FOXM1: variants seen among roughly 807,000 people sequenced by gnomAD.
FOXM1 encodes the protein forkhead box protein M1.
A neutral mutation model predicts 63.6 loss-of-function variants in FOXM1; 25 were observed. That is an observed-to-expected ratio of 0.39 (90% confidence interval 0.29 to 0.55). The LOEUF (loss-of-function observed/expected upper bound fraction) is 0.55, where lower values mean the gene tolerates loss of function less well. Ranked by LOEUF, FOXM1 falls within the 20% of genes least tolerant of loss-of-function variation. The pLI, the probability that FOXM1 is intolerant of heterozygous loss-of-function variation, is 0.60. For synonymous variants in FOXM1, 387 were observed against 376.9 expected (o/e 1.03, Z -0.31); for missense variants, 879 against 958.7 (o/e 0.92, Z 1.10).
chr12:2,867,623 C>G (rs1490991088), intron 4 of FOXM1, among the ~76,000 whole-genome samples: 1 of 147,210 alleles, frequency 6.8e-6, no homozygotes, highest in Non-Finnish European at 1.5e-5. Context: ...GATCGCGCCA[C>G]TGCACTCCAG....
At chr12:2,861,264 G>A in intron 8 of FOXM1, 1 of 709,720 alleles carries the variant, frequency 1.4e-6, no homozygotes, top group South Asian at 1.6e-5. Context: ...ACAATTCCAA[G>A]TCACCAAACA....
At chr12:2,862,807 A>G (rs12815251) in intron 8 of FOXM1, among the ~76,000 whole-genome samples, 37,459 of 151,362 alleles carry the variant, frequency 0.25, 5,221 homozygotes, top group African/African-American at 0.39. Flanking sequence ...CTCCCAAAAT[A>G]CTAGGATTAT....
chr12:2,860,486 CAGAAA>C (rs1193006210), intron 8 of FOXM1, among the ~76,000 whole-genome samples: 1 of 151,880 alleles, frequency 6.6e-6, no homozygotes, highest in Non-Finnish European at 1.5e-5. Flanking sequence ...GATCCTGTCT[CAGAAA>C]AGAAAAGAAA....
At position 2,868,662 on chromosome 12, in the gene FOXM1, G is replaced by A. The variant is rs1468550241; in HGVS notation, c.747C>T (p.Ile249=). The change falls in exon 4 of 9, where the codon ATC becomes ATT. Residue 249 remains isoleucine, a synonymous_variant. Coordinates refer to ENST00000359843, the MANE Select transcript of FOXM1 (RefSeq NM_021953.4). ...YSYMAMIQFA[I]NSTERKRMTL... Reference sequence around the variant, plus strand: ...TCATGCGCTTCCTCTCAGTGCTGTTGATGGCGAATTGTATCATGGCCATGT... The same window carrying A: ...TCATGCGCTTCCTCTCAGTGCTGTTAATGGCGAATTGTATCATGGCCATGT... 1 of 1,613,992 alleles carries A rather than the reference G, an allele frequency of 6.2e-7. No individual in the cohort carries two copies.
intron 8 of FOXM1, among the ~76,000 whole-genome samples, chr12:2,860,050 T>G (rs968843773): frequency 3.3e-5 from 5 of 151,944 alleles, no homozygotes; most frequent in African/African-American, 1.2e-4. Context: ...AATGAAAACC[T>G]TAAAATCATA....
intron 8 of FOXM1, among the ~76,000 whole-genome samples, chr12:2,860,139 C>T (rs555008553): frequency 1.3e-5 from 2 of 151,906 alleles, no homozygotes; most frequent in Non-Finnish European, 2.9e-5. Context: ...GACTGGAAAC[C>T]CAGAAACTGT....
At chr12:2,866,362 G>A in intron 5 of FOXM1, 31 bp downstream of exon 5, 2 of 1,417,312 alleles carry the variant, frequency 1.4e-6, no homozygotes, top group Non-Finnish European at 1.9e-6. Flanking sequence ...CTCCAACTTA[G>A]GCCCTATTTA....
At chr12:2,863,919 C>CA (rs202226910) in intron 8 of FOXM1, 1,779 of 157,354 alleles carry the variant, frequency 0.011, 37 homozygotes, top group African/African-American at 0.04. Context: ...GTTGGCCAGG[C>CA]TGGTCTCAAA....
At chr12:2,862,181 GAAAAAAA>G (rs962205817) in intron 8 of FOXM1, among the ~76,000 whole-genome samples, 2 of 102,438 alleles carry the variant, frequency 2.0e-5, no homozygotes, top group South Asian at 6.4e-4. Context: ...TCCGTCTCAG[GAAAAAAA>G]AAAAAAAAAA....
intron 6 of FOXM1, 102 bp downstream of exon 6, chr12:2,865,253 G>T: frequency 9.1e-7 from 1 of 1,098,560 alleles, no homozygotes; most frequent in Non-Finnish European, 1.3e-6. Context: ...ATGGCCATAG[G>T]GACCCTTCCC....
At position 2,858,883 on chromosome 12, in the gene FOXM1, C is replaced by T. The variant is rs781380281; in HGVS notation, c.2047G>A (p.Asp683Asn). The change falls in exon 9 of 9, where the codon GAC becomes AAC. Residue 683 changes from aspartate (D) to asparagine (N), a missense_variant. Asp to Asn is a conservative substitution (Grantham distance 23). This residue lies in a region of FOXM1 where 486 missense variants were observed against 453.5 expected (regional missense o/e 1.07). Transcript: ENST00000359843. ...PQRLLSSEPLDLISVPFGNSS... is the reference protein window; with the variant it reads ...PQRLLSSEPLNLISVPFGNSS... ...TTGCCAAAGGGGACGGAGATGAGGT[C>T]TAAGGGTTCTGAACTGAGGAGCCTT... The T allele has an allele frequency of 3.7e-6, 6 of 1,614,036 alleles. No individual in the cohort carries two copies. The East Asian group carries it at 1.3e-4, about 36-fold the overall frequency.
Position 2,864,867 on chromosome 12 carries a change from CAGAG to C in FOXM1, c.1021-119_1021-116del, listed in dbSNP as rs912834948. 2.5e-6 allele frequency: 3 copies of C among 1,217,008 alleles called. No homozygotes were observed. Among genetic ancestry groups the C allele is most frequent in the Admixed American group, 1.7e-5 (1 of 58,104 alleles). The allele number at this position is 1,217,008 out of a possible 1,614,324, so 75.4% of individuals were successfully genotyped here. On this transcript the variant is annotated intron_variant, in intron 6 of 8. Coordinates refer to ENST00000359843, the MANE Select transcript of FOXM1 (RefSeq NM_021953.4). The surrounding 1 kb of genome is among the most constrained non-coding windows in gnomAD (Gnocchi z 5.1). Reference sequence around the variant, plus strand: ...GTGTGTGCTTGAGTTAATGACAGCCCAGAGAGAGGAGGCCAACCTGAGGGGATGG... The same window carrying C: ...GTGTGTGCTTGAGTTAATGACAGCCCAGAGGAGGCCAACCTGAGGGGATGG...
Position 2,871,293 on chromosome 12 carries a change from G to GA in FOXM1, c.654+802dup, listed in dbSNP as rs150364039. Among the ~76,000 whole-genome samples the GA allele has an allele frequency of 5.0e-3, 761 of 152,140 alleles. 4 individuals are homozygous for GA. Among genetic ancestry groups the GA allele is most frequent in the African/African-American group, 0.017 (691 of 41,496 alleles). ...AGATGTGTTATATTGGTAACTGTGG[G>GA]AAAAAAACCCAGACTACACAATTGG... is the stretch of plus-strand genomic sequence containing the variant. On this transcript the variant is annotated intron_variant, in intron 3 of 8. Coordinates refer to ENST00000359843, the MANE Select transcript of FOXM1 (RefSeq NM_021953.4).
intron 1 of FOXM1, chr12:2,876,227 G>C (rs2098143185): frequency 6.6e-6 from 1 of 152,144 alleles, no homozygotes; most frequent in African/African-American, 2.4e-5. Flanking sequence ...CATCTGCATA[G>C]AGTTCACAGG....
At position 2,864,743 on chromosome 12, in the gene FOXM1, G is replaced by C. The variant is rs752962627; in HGVS notation, c.1030C>G (p.Arg344Gly). 23 of 1,614,180 alleles carry C rather than the reference G, an allele frequency of 1.4e-5. No individual in the cohort carries two copies. Among genetic ancestry groups the C allele is most frequent in the Non-Finnish European group, 1.9e-5 (23 of 1,180,028 alleles). ...TTCCGGCGGAGCTCTGGATTCGGTC[G>C]TTTCTGCTGCTGCTTGTGGCAGATG... is the stretch of plus-strand genomic sequence containing the variant. ...LPEHLESQQKRPNPELRRNMT... is the reference protein window; with the variant it reads ...LPEHLESQQKGPNPELRRNMT... The change falls in exon 7 of 9, where the codon CGA becomes GGA. Residue 344 changes from arginine to glycine, a missense_variant. Around this residue, in one of 4 missense-constraint regions of FOXM1, gnomAD observed 76 missense variants for 94.5 expected, o/e 0.80. Transcript: ENST00000359843. This position sits in a 1 kb window ranked among gnomAD's most constrained non-coding sequence, Gnocchi z 5.1.
At position 2,865,345 on chromosome 12, in the gene FOXM1, A is replaced by G. The variant is rs1160371096; in HGVS notation, c.1020+10T>C. On this transcript the variant is annotated intron_variant, in intron 6 of 8. Coordinates refer to ENST00000359843, the MANE Select transcript of FOXM1 (RefSeq NM_021953.4). ...AGGCCAAGCCCCGAGCCAGAGGGAA[A>G]GAACCTTACTGATTCCAAGTGCTCG... is the stretch of plus-strand genomic sequence containing the variant. The G allele has an allele frequency of 1.2e-5, 20 of 1,608,568 alleles. No individual in the cohort carries two copies. The Admixed American group carries it at 1.7e-4, about 14-fold the overall frequency.
At chr12:2,871,916 G>C (rs1344578911) in intron 3 of FOXM1, among the ~76,000 whole-genome samples, 180 bp downstream of exon 3, 4 of 152,144 alleles carry the variant, frequency 2.6e-5, no homozygotes, top group African/African-American at 7.2e-5. Flanking sequence ...AAATTTCACA[G>C]ATGGGAGAGA....
At chr12:2,876,496 G>A (rs1565482391) in intron 1 of FOXM1, 1 of 152,278 alleles carries the variant, frequency 6.6e-6, no homozygotes, top group African/African-American at 2.4e-5. Context: ...CAAGAACCAG[G>A]AAAAGGGCCC....
In FOXM1 at chr12:2,874,988, ATTTTT is replaced by A. The variant is rs556937133; in HGVS notation, c.-47-468_-47-464del. On this transcript the variant is annotated intron_variant, in intron 1 of 8. Coordinates refer to ENST00000359843, the MANE Select transcript of FOXM1 (RefSeq NM_021953.4). This position sits in a 1 kb window ranked among gnomAD's most constrained non-coding sequence, Gnocchi z 4.3. ...AATCCATTCAAGACAAAGGATTTTA[ATTTTT>A]TTTTTTTTTTTTTTTTTGAGACAGA... is the stretch of plus-strand genomic sequence containing the variant. Among the ~76,000 whole-genome samples, 1 of 127,162 alleles carries A rather than the reference ATTTTT, an allele frequency of 7.9e-6. No homozygotes were observed. 83.4% of individuals were successfully genotyped at this position (127,162 alleles called of 152,430 possible). A position where few individuals can be genotyped will look rare whatever the true frequency, so the allele number is the denominator to read the frequency against.
Sources: allele counts gnomAD v4.1 joint callset (sites outside exome capture counted in the v4.1 genomes callset), GRCh38; gene constraint gnomAD v4.1.1; regional missense constraint gnomAD v4.1.1; non-coding constraint Gnocchi (gnomAD v3.1); transcripts MANE v1.5; gene names NCBI Gene and HGNC (gene_info 2026-07-23, HGNC 2026-07-21).